Variants in GPC5 observed in about 807,000 individuals in gnomAD.
GPC5 encodes glypican-5.
Under a neutral mutation model 53.9 loss-of-function variants are expected in GPC5, and 47 were observed. The observed-to-expected ratio is 0.87, with a 90% CI of 0.69 to 1.11. The LOEUF is 1.11. Among genes scored for constraint, GPC5 ranks in the 50% most tolerant of loss-of-function variants. The pLI, the probability that GPC5 is intolerant of heterozygous loss-of-function variation, is 0.00. For synonymous variants in GPC5, 286 were observed against 263.3 expected, an observed-to-expected ratio of 1.09 and a Z score of -0.84; for missense variants, 748 against 713.1, an observed-to-expected ratio of 1.05 and a Z score of -0.56.
chr13:91,991,759 T>C (rs1328202142), intron 6 of GPC5, among the ~76,000 whole-genome samples: 1 of 152,204 alleles, frequency 6.6e-6, no homozygotes, highest in East Asian at 1.9e-4. Flanking sequence ...TTAGAATTGG[T>C]TCATGAATTC....
chr13:92,369,771 G>A (rs2139292477), intron 7 of GPC5, among the ~76,000 whole-genome samples: 1 of 152,270 alleles, frequency 6.6e-6, no homozygotes, highest in South Asian at 2.1e-4. Context: ...TGCCTGTGTT[G>A]TATTACATAT....
intron 6 of GPC5, among the ~76,000 whole-genome samples, chr13:92,031,718 TATGTA>T (rs2138807461): frequency 7.8e-5 from 7 of 90,182 alleles, no homozygotes; most frequent in Admixed American, 1.6e-4. Flanking sequence ...ATATTACATA[TATGTA>T]ATATATTACA....
Position 91,489,931 on chromosome 13 carries a change from A to G in GPC5, c.325+41009A>G, listed in dbSNP as rs577906540. 2.6e-5 allele frequency among the ~76,000 whole-genome samples: 4 copies of G among 152,340 alleles called. No individual in the cohort carries two copies. In the South Asian group the frequency reaches 8.3e-4, roughly 32 times the overall value. On this transcript the variant is annotated intron_variant, in intron 2 of 7. Coordinates refer to ENST00000377067, the MANE Select transcript of GPC5 (RefSeq NM_004466.6). ...CTCTTAAGCATCTTTGGAAATTTGT[A>G]CCACATGCATATATATGAATTATTA...
chr13:92,752,829 G>C (rs541863393), intron 7 of GPC5, among the ~76,000 whole-genome samples: 1 of 152,150 alleles, frequency 6.6e-6, no homozygotes, highest in Non-Finnish European at 1.5e-5. Flanking sequence ...CACCTGGCTC[G>C]GAGGGACCTA....
chr13:91,556,539 A>AT, intron 2 of GPC5, among the ~76,000 whole-genome samples: 2 of 144,246 alleles, frequency 1.4e-5, no homozygotes, highest in African/African-American at 5.3e-5. Flanking sequence ...TATATATATA[A>AT]AATGTGTGTG....
intron 2 of GPC5, among the ~76,000 whole-genome samples, chr13:91,491,218 A>T (rs1423030419): frequency 6.6e-6 from 1 of 152,158 alleles, no homozygotes; most frequent in Non-Finnish European, 1.5e-5. Flanking sequence ...CTGGCCCCCA[A>T]GTCACCAGAT....
intron 7 of GPC5, among the ~76,000 whole-genome samples, chr13:92,323,160 C>T (rs1376774657): frequency 2.6e-5 from 4 of 151,258 alleles, no homozygotes; most frequent in African/African-American, 9.7e-5. Context: ...ATCACAGTTT[C>T]AATATCAACT....
At chr13:91,623,140 T>C (rs576774771) in intron 2 of GPC5, among the ~76,000 whole-genome samples, 17 of 152,136 alleles carry the variant, frequency 1.1e-4, no homozygotes, top group Non-Finnish European at 1.9e-4. Flanking sequence ...TGGATAATAA[T>C]AGGGGGAAAG....
intron 7 of GPC5, among the ~76,000 whole-genome samples, chr13:92,520,549 AT>A (rs1460809704): frequency 6.6e-6 from 1 of 152,220 alleles, no homozygotes; most frequent in Non-Finnish European, 1.5e-5. Context: ...GTCTCAATAG[AT>A]GCAGAAAAGG....
chr13:91,840,798 C>T (rs2038778018), intron 5 of GPC5, among the ~76,000 whole-genome samples: 2 of 150,686 alleles, frequency 1.3e-5, no homozygotes, highest in Non-Finnish European at 3.0e-5. Flanking sequence ...TACAAACATT[C>T]AGGTATCCAT....
intron 3 of GPC5, among the ~76,000 whole-genome samples, chr13:91,706,160 T>C (rs1054539682): frequency 5.3e-5 from 8 of 152,086 alleles, no homozygotes; most frequent in Non-Finnish European, 1.2e-4. Flanking sequence ...ATTACAGGCA[T>C]GAGCCACCGC....
intron 7 of GPC5, among the ~76,000 whole-genome samples, chr13:92,851,856 C>G (rs1443209597): frequency 6.8e-6 from 1 of 146,566 alleles, no homozygotes; most frequent in Non-Finnish European, 1.5e-5. Context: ...CCAGTGCACT[C>G]CAGCCTGAGT....
intron 6 of GPC5, among the ~76,000 whole-genome samples, chr13:92,034,234 G>A (rs575642551): frequency 2.0e-5 from 3 of 152,240 alleles, no homozygotes; most frequent in African/African-American, 4.8e-5. Context: ...AGCGGCTCAC[G>A]TCTGTAATCT....
Position 91,728,657 on chromosome 13 carries a change from C to T in GPC5, c.1146C>T (p.Asn382=), listed in dbSNP as rs1566642708. ...TTRNSEETLA[N]RRKEFINSLR... is the part of the protein sequence containing the mutation. ...GGAACAGTGAAGAGACGCTTGCCAA[C>T]AGAAGAAAGTAAGACATTTGTTTTA... The change falls in exon 4 of 8, where the codon AAC becomes AAT. Residue 382 remains asparagine (N), a synonymous_variant. Transcript: ENST00000377067. 6.2e-7 allele frequency: 1 copy of T among 1,606,774 alleles called. No homozygotes were observed. The highest frequency in any genetic ancestry group is 2.2e-5 in the East Asian group (1 of 44,622).
intron 2 of GPC5, among the ~76,000 whole-genome samples, chr13:91,555,268 G>T (rs1193571896): frequency 6.6e-6 from 1 of 151,974 alleles, no homozygotes; most frequent in African/African-American, 2.4e-5. Flanking sequence ...GCAAAAACAT[G>T]ATAGCCGATG....
chr13:92,590,019 G>A (rs912984665), intron 7 of GPC5, among the ~76,000 whole-genome samples: 9 of 152,120 alleles, frequency 5.9e-5, no homozygotes, highest in Non-Finnish European at 2.9e-5. Context: ...AACAGACAAC[G>A]TGCACACTAG....
chr13:92,126,794 T>A (rs373339959), intron 6 of GPC5, among the ~76,000 whole-genome samples: 2 of 150,148 alleles, frequency 1.3e-5, no homozygotes, highest in African/African-American at 2.4e-5. Flanking sequence ...ATACTAACAA[T>A]AGAAATGGAA....
At chr13:91,825,137 G>GGA (rs1004911345) in intron 5 of GPC5, among the ~76,000 whole-genome samples, 1 of 151,116 alleles carries the variant, frequency 6.6e-6, no homozygotes, top group East Asian at 1.9e-4. Context: ...GGTGGGGGAG[G>GGA]GAGAGAGAGA....
At chr13:92,219,188 C>G (rs1297578817) in intron 7 of GPC5, among the ~76,000 whole-genome samples, 1 of 152,056 alleles carries the variant, frequency 6.6e-6, no homozygotes, top group African/African-American at 2.4e-5. Flanking sequence ...CTTATCCCTA[C>G]CCACTGTGTC....
Sources: gnomAD v4.1 joint callset for allele counts (sites outside exome capture counted in the v4.1 genomes callset) on GRCh38, gnomAD v4.1.1 for gene constraint, MANE v1.5 for transcripts, NCBI Gene and HGNC (gene_info 2026-07-23, HGNC 2026-07-21) for gene names.